Variants in TANK observed in about 807,000 individuals in gnomAD.
The protein encoded by TANK is TRAF family member associated NFKB activator.
In TANK, 15 loss-of-function variants were observed where a neutral mutation model predicts 43.6. The observed-to-expected ratio is 0.34, with a 90% CI of 0.23 to 0.53. The LOEUF (loss-of-function observed/expected upper bound fraction) is 0.53, where lower values mean the gene tolerates loss of function less well. TANK is among the 20% of genes least tolerant of loss of function. The pLI is 0.94. For synonymous variants in TANK, 162 were observed against 178.2 expected (o/e 0.91, Z 0.73); for missense variants, 417 against 498.6 (o/e 0.84, Z 1.56).
chr2:161,216,136 A>G (rs1022032673), intron 4 of TANK, among the ~76,000 whole-genome samples: 4 of 152,034 alleles, frequency 2.6e-5, no homozygotes, highest in African/African-American at 9.7e-5. Context: ...TCCATATTTA[A>G]TGGATTTACT....
chr2:161,235,024 A>C (rs972384996), intron 7 of TANK, among the ~76,000 whole-genome samples: 12 of 151,246 alleles, frequency 7.9e-5, no homozygotes, highest in Admixed American at 5.9e-4. Flanking sequence ...CCAGAGTATT[A>C]GCTATTGTTC....
At position 161,204,780 on chromosome 2, in the gene TANK, A is replaced by G; in HGVS notation, c.314A>G (p.Glu105Gly). 6.2e-7 allele frequency: 1 copy of G among 1,606,490 alleles called. No homozygotes were observed. Among genetic ancestry groups the G allele is most frequent in the Non-Finnish European group, 8.5e-7 (1 of 1,177,898 alleles). Reference sequence around the variant, plus strand: ...AAAGTGATTTCAGGAATAGCAAGAGAAAAACTACCAAAGGTAGACATTGCT... The same window carrying G: ...AAAGTGATTTCAGGAATAGCAAGAGGAAAACTACCAAAGGTAGACATTGCT... ...QDKVISGIAR[E>G]KLPKVRRQEV... The change falls in exon 4 of 8, where the codon GAA (glutamate) becomes GGA (glycine). Residue 105 changes from glutamate to glycine, a missense_variant. Glu to Gly is a moderately conservative substitution (Grantham distance 98). Transcript: ENST00000392749.
At chr2:161,160,181 C>A (rs1684340876), upstream of TANK, 1 of 379,092 alleles carries the variant, frequency 2.6e-6, no homozygotes, top group Non-Finnish European at 4.6e-6. Flanking sequence ...CACAAGTGAC[C>A]TTTACACTTG....
intron 1 of TANK, among the ~76,000 whole-genome samples, chr2:161,153,439 G>A (rs1313889461): frequency 6.6e-6 from 1 of 151,856 alleles, no homozygotes; most frequent in Non-Finnish European, 1.5e-5. Context: ...TGTAATCCCA[G>A]CACTTTGGGA....
chr2:161,180,235 G>C, intron 2 of TANK: 1 of 508,024 alleles, frequency 2.0e-6, no homozygotes, highest in Non-Finnish European at 2.5e-6. Context: ...ATTCAAAGTA[G>C]ACTATTTCAG....
chr2:161,146,141 C>T (rs551421513), intron 1 of TANK, among the ~76,000 whole-genome samples: 11 of 152,118 alleles, frequency 7.2e-5, no homozygotes, highest in Admixed American at 7.2e-4. Context: ...GTATGCTTCA[C>T]GAAGTTCTCG....
Position 161,204,658 on chromosome 2 carries a change from A to G in TANK, c.209-17A>G, listed in dbSNP as rs773103756. 1 of 1,596,676 alleles carries G rather than the reference A, an allele frequency of 6.3e-7. No homozygotes were observed. Among genetic ancestry groups the G allele is most frequent in the South Asian group, 1.1e-5 (1 of 88,188 alleles). On this transcript the variant is annotated splice_polypyrimidine_tract_variant and intron_variant, in intron 3 of 7. Coordinates refer to ENST00000392749, the MANE Select transcript of TANK (RefSeq NM_001199135.3). The stretch of plus-strand genomic sequence containing the variant: ...TAAGGGTTTTCTGCTAATGTCCAAG[A>G]GGTTTTTGTCTTGCAGATAACAATT...
intron 2 of TANK, among the ~76,000 whole-genome samples, chr2:161,186,040 T>A (rs1685649097): frequency 6.6e-6 from 1 of 152,174 alleles, no homozygotes; most frequent in African/African-American, 2.4e-5. Context: ...CATGGTGGTA[T>A]GTGCCTGTAG....
At chr2:161,229,664 T>C (rs549551078) in intron 6 of TANK, among the ~76,000 whole-genome samples, 1 of 152,320 alleles carries the variant, frequency 6.6e-6, no homozygotes, top group East Asian at 1.9e-4. Flanking sequence ...AGAGGTGTCA[T>C]GAGACTGCCA....
chr2:161,140,565 A>G (rs1220629026), intron 1 of TANK, among the ~76,000 whole-genome samples: 1 of 151,290 alleles, frequency 6.6e-6, no homozygotes, highest in Non-Finnish European at 1.5e-5. Flanking sequence ...TTTTTGCTTT[A>G]TCTTTGTTAA....
At chr2:161,218,201 C>A (rs780935777) in intron 4 of TANK, among the ~76,000 whole-genome samples, 1 of 152,146 alleles carries the variant, frequency 6.6e-6, no homozygotes, top group Non-Finnish European at 1.5e-5. Context: ...TCCCCTCCCA[C>A]CCTGGGCAAT....
At chr2:161,177,042 C>T (rs1044156565) in intron 1 of TANK, among the ~76,000 whole-genome samples, 2 of 151,916 alleles carry the variant, frequency 1.3e-5, no homozygotes, top group Admixed American at 1.3e-4. Context: ...AGTATGTTTT[C>T]GAATGAAGCA....
chr2:161,173,500 CT>C lies in TANK; in HGVS notation c.-49-6110del, dbSNP rs369049016. Among the ~76,000 whole-genome samples the C allele has an allele frequency of 7.0e-4, 106 of 152,134 alleles. 2 individuals are homozygous for C. In the South Asian group the frequency reaches 9.8e-3, roughly 14 times the overall value. ...TATTGAGCCTTTATCTTGTTTATACCTTTTACTTAACAGTTTTCTTCTTCTT... is the reference window on the plus strand; with the variant it reads ...TATTGAGCCTTTATCTTGTTTATACCTTTACTTAACAGTTTTCTTCTTCTT... On this transcript the variant is annotated intron_variant, in intron 1 of 7. Coordinates refer to ENST00000392749, the MANE Select transcript of TANK (RefSeq NM_001199135.3).
chr2:161,140,651 ATTCT>A (rs1683720090), intron 1 of TANK, among the ~76,000 whole-genome samples: 1 of 151,876 alleles, frequency 6.6e-6, no homozygotes, highest in African/African-American at 2.4e-5. Flanking sequence ...ATGTATTGTT[ATTCT>A]TTCTTCTTTT....
At chr2:161,164,212 C>T (rs1160375164) in intron 1 of TANK, among the ~76,000 whole-genome samples, 3 of 152,200 alleles carry the variant, frequency 2.0e-5, no homozygotes, top group Admixed American at 2.0e-4. Context: ...TGACATAAAG[C>T]TTCGCTATTT....
At position 161,166,985 on chromosome 2, in the gene TANK, G is replaced by T. The variant is rs78324697; in HGVS notation, c.-50+6499G>T. On this transcript the variant is annotated intron_variant, in intron 1 of 7. Coordinates refer to ENST00000392749, the MANE Select transcript of TANK (RefSeq NM_001199135.3). ...AGTGGAAGGAGTAGCAGTTATTCAA[G>T]GTGGTTTCCTTTCCCCATCCTGAAA... Among the ~76,000 whole-genome samples, 387 of 152,288 alleles carry T rather than the reference G, an allele frequency of 2.5e-3. 1 individual carries two copies. The highest frequency in any genetic ancestry group is 4.2e-3 in the Non-Finnish European group (283 of 68,024).
At chr2:161,198,019 C>T (rs570272842) in intron 2 of TANK, among the ~76,000 whole-genome samples, 1 of 152,244 alleles carries the variant, frequency 6.6e-6, no homozygotes, top group Non-Finnish European at 1.5e-5. Flanking sequence ...ACTTTAAAAT[C>T]TAAAGTTTCA....
intron 2 of TANK, among the ~76,000 whole-genome samples, chr2:161,201,525 A>G (rs952859899): frequency 9.2e-5 from 14 of 152,220 alleles, no homozygotes; most frequent in Non-Finnish European, 1.5e-4. Context: ...ATCTCTGGAC[A>G]GTATAATGTA....
Position 161,167,248 on chromosome 2 carries a change from C to T in TANK, c.-50+6762C>T, listed in dbSNP as rs748586523. Among the ~76,000 whole-genome samples the T allele has an allele frequency of 7.7e-4, 117 of 152,202 alleles. 1 individual carries two copies. Among genetic ancestry groups the T allele is most frequent in the Admixed American group, 5.9e-4 (9 of 15,286 alleles). On this transcript the variant is annotated intron_variant, in intron 1 of 7. Transcript: ENST00000392749. ...CTTTAAGCCTTTGATTCTCTTCAAA[C>T]GTGGAATTCCAATGTATATATACAT...
Sources: allele counts gnomAD v4.1 joint callset (sites outside exome capture counted in the v4.1 genomes callset), GRCh38; gene constraint gnomAD v4.1.1; transcripts MANE v1.5; gene names NCBI Gene and HGNC (gene_info 2026-07-23, HGNC 2026-07-21).